NAV2: variants seen among roughly 807,000 people sequenced by gnomAD.
NAV2 encodes helicase, APC down-regulated 1.
A neutral mutation model predicts 223.2 loss-of-function variants in NAV2; 54 were observed. The ratio of observed to expected loss-of-function variants is 0.24; its 90% confidence interval spans 0.19 to 0.30. The LOEUF (loss-of-function observed/expected upper bound fraction) is 0.30, where lower values mean the gene tolerates loss of function less well. NAV2 is among the 10% of genes least tolerant of loss of function. The pLI is 1.00. For missense variants in NAV2, 2,806 were observed against 3,147.5 expected, an observed-to-expected ratio of 0.89 and a Z score of 2.60; for synonymous variants, 1,279 against 1,239.3, an observed-to-expected ratio of 1.03 and a Z score of -0.67.
At chr11:19,857,227 C>G (rs886743224) in intron 3 of NAV2, among the ~76,000 whole-genome samples, 14 of 152,214 alleles carry the variant, frequency 9.2e-5, no homozygotes, top group Non-Finnish European at 1.8e-4. Flanking sequence ...TTATATTCTG[C>G]TACCTCTTGA....
At chr11:19,680,940 C>T (rs1243711119) in intron 1 of NAV2, among the ~76,000 whole-genome samples, 2 of 152,244 alleles carry the variant, frequency 1.3e-5, no homozygotes, top group African/African-American at 2.4e-5. Flanking sequence ...TGATGAATCA[C>T]TTAGTTCTAT....
chr11:19,559,408 G>A (rs976630119), intron 1 of NAV2, among the ~76,000 whole-genome samples: 3 of 152,230 alleles, frequency 2.0e-5, no homozygotes, highest in Admixed American at 2.0e-4. Context: ...GTGATGTCAG[G>A]TGGATATAGT....
chr11:19,726,465 A>G (rs746466158), intron 1 of NAV2, among the ~76,000 whole-genome samples: 2 of 152,184 alleles, frequency 1.3e-5, no homozygotes, highest in African/African-American at 2.4e-5. Flanking sequence ...CTCTTCCTGC[A>G]TGGAATGTCT....
chr11:19,525,152 A>C (rs1298783153), intron 1 of NAV2, among the ~76,000 whole-genome samples: 1 of 152,242 alleles, frequency 6.6e-6, no homozygotes, highest in African/African-American at 2.4e-5. Flanking sequence ...ACTGGAGTTC[A>C]TTAGAGCTAG....
chr11:19,902,934 T>G (rs972767903), intron 6 of NAV2, among the ~76,000 whole-genome samples: 2 of 152,190 alleles, frequency 1.3e-5, no homozygotes, highest in Non-Finnish European at 2.9e-5. Flanking sequence ...AGTGCAAGCA[T>G]GGAGTGCTGA....
chr11:20,051,093 G>A (rs2153602591), intron 16 of NAV2, among the ~76,000 whole-genome samples, 196 bp from the exon 17 acceptor site: 1 of 152,352 alleles, frequency 6.6e-6, no homozygotes, highest in African/African-American at 2.4e-5. Flanking sequence ...GCTGGTGTCA[G>A]CTCAGGCTGA....
At chr11:19,573,472 G>C (rs1487201) in intron 1 of NAV2, among the ~76,000 whole-genome samples, 15 of 152,138 alleles carry the variant, frequency 9.9e-5, no homozygotes, top group Non-Finnish European at 1.8e-4. Flanking sequence ...TGTGGCATGC[G>C]TGAGTATATA....
At chr11:19,861,458 T>C (rs112027763) in intron 3 of NAV2, among the ~76,000 whole-genome samples, 4 of 152,154 alleles carry the variant, frequency 2.6e-5, no homozygotes, top group Non-Finnish European at 4.4e-5. Flanking sequence ...TGCCTAAAAT[T>C]ACAACACAGT....
intron 1 of NAV2, among the ~76,000 whole-genome samples, chr11:19,817,127 C>T (rs1024460271): frequency 6.6e-6 from 1 of 152,200 alleles, no homozygotes; most frequent in African/African-American, 2.4e-5. Flanking sequence ...CGAGTGCACA[C>T]AGTTTGCCTT....
chr11:19,886,245 T>C (rs1342430840), intron 5 of NAV2, among the ~76,000 whole-genome samples: 1 of 152,086 alleles, frequency 6.6e-6, no homozygotes, highest in Non-Finnish European at 1.5e-5. Flanking sequence ...CCCAGGGCGC[T>C]GGGATTACAG....
At chr11:20,096,897 G>C (rs2061312620) in intron 30 of NAV2, among the ~76,000 whole-genome samples, 1 of 152,202 alleles carries the variant, frequency 6.6e-6, no homozygotes, top group Non-Finnish European at 1.5e-5. Context: ...CCTTGGATTA[G>C]AATAACAGTT....
chr11:20,117,806 T>A (rs2245828), intron 37 of NAV2, among the ~76,000 whole-genome samples: 2 of 152,036 alleles, frequency 1.3e-5, no homozygotes, highest in African/African-American at 4.8e-5. Flanking sequence ...TGTATAGAGA[T>A]CATCATTTTG....
At chr11:19,426,234 T>A (rs943815205) in intron 1 of NAV2, among the ~76,000 whole-genome samples, 2 of 152,128 alleles carry the variant, frequency 1.3e-5, no homozygotes, top group African/African-American at 4.8e-5. Context: ...CAGCTCTAGA[T>A]GTAAAGTGTT....
At chr11:19,483,008 C>T (rs1040190121) in intron 1 of NAV2, among the ~76,000 whole-genome samples, 4 of 152,320 alleles carry the variant, frequency 2.6e-5, no homozygotes, top group African/African-American at 9.6e-5. Context: ...GCCTTTCCCA[C>T]ATCCCATGTC....
At chr11:20,046,596 T>TCACACACACA (rs61668060) in intron 14 of NAV2, among the ~76,000 whole-genome samples, 59,169 of 145,636 alleles carry the variant, frequency 0.41, 12,420 homozygotes, top group Non-Finnish European at 0.49. Context: ...CCCCTCCCCA[T>TCACACACACA]CACACACACA....
At chr11:19,385,962 C>A (rs1822065986) in intron 1 of NAV2, among the ~76,000 whole-genome samples, 1 of 152,036 alleles carries the variant, frequency 6.6e-6, no homozygotes, top group Non-Finnish European at 1.5e-5. Flanking sequence ...GACGGGGTTT[C>A]ACCGTCTTAG....
chr11:19,353,484 C>T (rs1277364037), intron 1 of NAV2, among the ~76,000 whole-genome samples: 4 of 152,136 alleles, frequency 2.6e-5, no homozygotes, highest in Non-Finnish European at 5.9e-5. Flanking sequence ...GCCAATGGTG[C>T]TGTGTGTTAG....
chr11:19,979,111 G>T (rs2050071960), intron 10 of NAV2: 1 of 152,214 alleles, frequency 6.6e-6, no homozygotes, highest in African/African-American at 2.4e-5. Context: ...TGGAGGGATG[G>T]TGAGGACTAC....
At position 19,877,009 on chromosome 11, in the gene NAV2, A is replaced by G. The variant is rs189048828; in HGVS notation, c.512-2860A>G. Among the ~76,000 whole-genome samples, 99 of 151,088 alleles carry G rather than the reference A, an allele frequency of 6.6e-4. 2 individuals are homozygous for G. In the East Asian group the frequency reaches 0.011, roughly 16 times the overall value. ...AAGAATACTCAAATGCCTACCAGCT[A>G]GCATTTATTTTATTTATTAAAATAA... On this transcript the variant is annotated intron_variant, in intron 4 of 37. Coordinates refer to ENST00000349880, the MANE Select transcript of NAV2 (RefSeq NM_145117.5).
Sources: allele counts gnomAD v4.1 joint callset (sites outside exome capture counted in the v4.1 genomes callset), GRCh38; gene constraint gnomAD v4.1.1; transcripts MANE v1.5; gene names NCBI Gene and HGNC (gene_info 2026-07-23, HGNC 2026-07-21).